The following SLC1A1 variants were observed in gnomAD, a reference collection of about 807,000 sequenced individuals.
SLC1A1 encodes the protein excitatory amino acid transporter 3.
A neutral mutation model predicts 53.3 loss-of-function variants in SLC1A1; 43 were observed. That is an observed-to-expected ratio of 0.81 (90% CI 0.63 to 1.04). The LOEUF is 1.04. Ranked by LOEUF, SLC1A1 falls within the 50% of genes least tolerant of loss-of-function variation. The pLI is 0.00. For missense variants in SLC1A1, 748 were observed against 664.9 expected, an observed-to-expected ratio of 1.12 and a Z score of -1.37; for synonymous variants, 307 against 243.2, an observed-to-expected ratio of 1.26 and a Z score of -2.44.
intron 1 of SLC1A1, among the ~76,000 whole-genome samples, chr9:4,535,559 G>C (rs1432457280): frequency 6.6e-6 from 1 of 152,042 alleles, no homozygotes; most frequent in African/African-American, 2.4e-5. Flanking sequence ...AAATAAAAGA[G>C]GATACAAACA....
rs190787739 is a variant in SLC1A1 at position 4,562,806 on chromosome 9, C to T, written c.325+1265C>T. Among the ~76,000 whole-genome samples, 1,170 of 152,014 alleles carry T rather than the reference C, an allele frequency of 7.7e-3. 13 individuals are homozygous for T. Among genetic ancestry groups the T allele is most frequent in the African/African-American group, 0.027 (1,106 of 41,466 alleles). ...GTATATGTGCCACATTTTCTTAATCCAGTCTATCATTGTTGGACATTTGGG... is the reference window on the plus strand; with the variant it reads ...GTATATGTGCCACATTTTCTTAATCTAGTCTATCATTGTTGGACATTTGGG... On this transcript the variant is annotated intron_variant, in intron 3 of 11. Transcript: ENST00000262352.
intron 1 of SLC1A1, among the ~76,000 whole-genome samples, chr9:4,539,880 A>C (rs1328834657): frequency 6.6e-6 from 1 of 152,022 alleles, no homozygotes; most frequent in Non-Finnish European, 1.5e-5. Flanking sequence ...TTACCAACTT[A>C]CTTATATTTA....
Position 4,582,238 on chromosome 9 carries a change from C to G in SLC1A1, c.1194-800C>G, listed in dbSNP as rs532025822. ...AAAAATCCCTACTGCCTCAGCTGATCTTACCAAGAGGGATCTTTTTAAATA... is the reference window on the plus strand; with the variant it reads ...AAAAATCCCTACTGCCTCAGCTGATGTTACCAAGAGGGATCTTTTTAAATA... On this transcript the variant is annotated intron_variant, in intron 10 of 11. Transcript: ENST00000262352. 2.0e-5 allele frequency among the ~76,000 whole-genome samples: 3 copies of G among 152,334 alleles called. No individual in the cohort carries two copies. The East Asian group carries it at 5.8e-4, about 29-fold the overall frequency.
intron 1 of SLC1A1, among the ~76,000 whole-genome samples, chr9:4,536,199 C>G (rs1816666792): frequency 1.3e-5 from 2 of 152,120 alleles, no homozygotes; most frequent in African/African-American, 2.4e-5. Context: ...CAAATGGGAT[C>G]TCATTAAACC....
intron 1 of SLC1A1, among the ~76,000 whole-genome samples, chr9:4,500,246 C>T (rs1236594681): frequency 6.6e-6 from 1 of 152,086 alleles, no homozygotes. Context: ...CATTGAGTGG[C>T]CCGTTTAAAC....
chr9:4,492,159 T>G (rs1037886145), intron 1 of SLC1A1, among the ~76,000 whole-genome samples: 20 of 152,128 alleles, frequency 1.3e-4, no homozygotes, highest in Admixed American at 1.2e-3. Flanking sequence ...CTTTTTTTTT[T>G]CGGTTTTGAA....
intron 1 of SLC1A1, among the ~76,000 whole-genome samples, chr9:4,493,447 G>C (rs968354323): frequency 2.0e-5 from 3 of 152,192 alleles, no homozygotes; most frequent in Admixed American, 6.5e-5. Flanking sequence ...GATAGTAAGA[G>C]CTTATTTTAT....
At chr9:4,554,857 G>C (rs1347652924) in intron 2 of SLC1A1, among the ~76,000 whole-genome samples, 1 of 152,202 alleles carries the variant, frequency 6.6e-6, no homozygotes, top group Non-Finnish European at 1.5e-5. Flanking sequence ...ATCAGTTAAT[G>C]CTTGTTGAAT....
At chr9:4,551,366 T>G (rs1034999761) in intron 2 of SLC1A1, among the ~76,000 whole-genome samples, 3 of 152,040 alleles carry the variant, frequency 2.0e-5, no homozygotes, top group African/African-American at 7.2e-5. Flanking sequence ...TCCAGCTGCA[T>G]GAAAACAGAC....
Position 4,583,073 on chromosome 9 carries a change from G to C in SLC1A1, c.1229G>C (p.Gly410Ala). ...TATSASIGAA[G>A]VPQAGLVTMV... The stretch of plus-strand genomic sequence containing the variant: ...ACATCTGCCAGCATCGGAGCTGCTG[G>C]CGTGCCCCAGGCTGGCCTGGTGACC... The change falls in exon 11 of 12, where the codon GGC becomes GCC. Residue 410 changes from glycine (G) to alanine (A), a missense_variant. Coordinates refer to ENST00000262352, the MANE Select transcript of SLC1A1 (RefSeq NM_004170.6). The surrounding 1 kb of genome is among the most constrained non-coding windows in gnomAD (Gnocchi z 4.6). The C allele has an allele frequency of 6.2e-7, 1 of 1,614,232 alleles. No individual in the cohort carries two copies. The highest frequency in any genetic ancestry group is 8.5e-7 in the Non-Finnish European group (1 of 1,180,044).
At chr9:4,553,559 G>A (rs1818120995) in intron 2 of SLC1A1, 1 of 152,162 alleles carries the variant, frequency 6.6e-6, no homozygotes, top group African/African-American at 2.4e-5. Flanking sequence ...TAGAGATGAG[G>A]TTACACCATG....
chr9:4,511,526 GA>G (rs1820997860), intron 1 of SLC1A1, among the ~76,000 whole-genome samples: 1 of 149,980 alleles, frequency 6.7e-6, no homozygotes, highest in South Asian at 2.1e-4. Context: ...CAGAGGAGAA[GA>G]AAAATTAAGC....
At chr9:4,512,672 A>C (rs914758838) in intron 1 of SLC1A1, among the ~76,000 whole-genome samples, 3 of 152,174 alleles carry the variant, frequency 2.0e-5, no homozygotes, top group African/African-American at 4.8e-5. Flanking sequence ...ACATGGCAAA[A>C]ACTGCAATTA....
Position 4,572,393 on chromosome 9 carries a change from G to A in SLC1A1, c.767+5G>A. On this transcript the variant is annotated splice_donor_5th_base_variant and intron_variant, in intron 7 of 11. Transcript: ENST00000262352. ...AATCGTTCAGATCATCATGTGGTGA[G>A]CAGACACTGTTTAATGTCATTTTGC... The A allele has an allele frequency of 8.1e-6, 13 of 1,611,930 alleles. No homozygotes were observed. Among genetic ancestry groups the A allele is most frequent in the Non-Finnish European group, 1.1e-5 (13 of 1,178,000 alleles).
At position 4,576,021 on chromosome 9, in the gene SLC1A1, T is replaced by G; in HGVS notation, c.896T>G (p.Val299Gly). The G allele has an allele frequency of 1.2e-6, 2 of 1,614,108 alleles. No homozygotes were observed. Among genetic ancestry groups the G allele is most frequent in the South Asian group, 1.1e-5 (1 of 91,082 alleles). Residue 299 changes from valine (V) to glycine (G), a missense_variant, in exon 9 of 12, where the codon GTA becomes GGA. Coordinates refer to ENST00000262352, the MANE Select transcript of SLC1A1 (RefSeq NM_004170.6). The part of the protein sequence containing the change: ...VLTGLAIHSI[V>G]ILPLIYFIVV... Reference sequence around the variant, plus strand: ...TACAGGCTTGCAATCCACTCCATTGTAATTCTCCCGCTGATATATTTCATA... The same window carrying G: ...TACAGGCTTGCAATCCACTCCATTGGAATTCTCCCGCTGATATATTTCATA...
intron 1 of SLC1A1, among the ~76,000 whole-genome samples, chr9:4,529,361 C>G (rs1564010282): frequency 6.6e-6 from 1 of 152,148 alleles, no homozygotes; most frequent in Non-Finnish European, 1.5e-5. Context: ...CCAAGATATC[C>G]CAGATTTCTG....
At chr9:4,569,021 T>C (rs1219415344) in intron 6 of SLC1A1, among the ~76,000 whole-genome samples, 2 of 152,196 alleles carry the variant, frequency 1.3e-5, no homozygotes, top group East Asian at 1.9e-4. Context: ...TAATTCAGTG[T>C]TCATGAGCAC....
At position 4,556,883 on chromosome 9, in the gene SLC1A1, G is replaced by A. The variant is rs780634888; in HGVS notation, c.233-4566G>A. On this transcript the variant is annotated intron_variant, in intron 2 of 11. Coordinates refer to ENST00000262352, the MANE Select transcript of SLC1A1 (RefSeq NM_004170.6). The surrounding 1 kb of genome is among the most constrained non-coding windows in gnomAD (Gnocchi z 4.1). ...GCGGTTTTAGAATTTCAGAGGGGTG[G>A]TGATTAGGAAAACGGCTTTGGGGGG... 6.6e-6 allele frequency among the ~76,000 whole-genome samples: 1 copy of A among 152,154 alleles called. No individual in the cohort carries two copies. Among genetic ancestry groups the A allele is most frequent in the Non-Finnish European group, 1.5e-5 (1 of 68,022 alleles).
chr9:4,557,398 A>C (rs2129639206), intron 2 of SLC1A1, among the ~76,000 whole-genome samples: 1 of 152,324 alleles, frequency 6.6e-6, no homozygotes, highest in African/African-American at 2.4e-5. Flanking sequence ...GACATTGTCG[A>C]GCACCCACTA....
Sources: allele counts gnomAD v4.1 joint callset (sites outside exome capture counted in the v4.1 genomes callset), GRCh38; gene constraint gnomAD v4.1.1; non-coding constraint Gnocchi (gnomAD v3.1); transcripts MANE v1.5; gene names NCBI Gene and HGNC (gene_info 2026-07-23, HGNC 2026-07-21).